Variants in ZNF730 observed in about 807,000 individuals in gnomAD.
The protein encoded by ZNF730 is zinc finger protein 730.
ZNF730 carries 12 observed loss-of-function variants against 12.6 expected under a neutral mutation model. The ratio of observed to expected loss-of-function variants is 0.95; its 90% CI spans 0.61 to 1.54. The LOEUF (loss-of-function observed/expected upper bound fraction) is 1.54, where lower values mean the gene tolerates loss of function less well. Ranked by LOEUF, ZNF730 falls within the 40% of genes most tolerant of loss-of-function variation. The pLI is 0.00. For synonymous variants in ZNF730, 194 were observed against 195.8 expected, an observed-to-expected ratio of 0.99 and a Z score of 0.08; for missense variants, 643 against 583.5, an observed-to-expected ratio of 1.10 and a Z score of -1.05.
rs747131241 is a variant in ZNF730 at position 23,117,161 on chromosome 19, T to C, written c.-13T>C. ...CCACAGCTAAGACGCCAGGGCCCCCTGGAAGCCTAGAAATGGTGAGAGTGC... is the reference window on the plus strand; with the variant it reads ...CCACAGCTAAGACGCCAGGGCCCCCCGGAAGCCTAGAAATGGTGAGAGTGC... On this transcript the variant is annotated 5_prime_UTR_variant, in exon 1 of 4. Coordinates refer to ENST00000597761, the MANE Select transcript of ZNF730 (RefSeq NM_001277403.2). 1 of 1,613,818 alleles carries C rather than the reference T, an allele frequency of 6.2e-7. No individual in the cohort carries two copies. Among genetic ancestry groups the C allele is most frequent in the Non-Finnish European group, 8.5e-7 (1 of 1,179,770 alleles).
At chr19:23,141,879 G>A (rs1012158040) in intron 3 of ZNF730, among the ~76,000 whole-genome samples, 1 of 152,040 alleles carries the variant, frequency 6.6e-6, no homozygotes, top group Admixed American at 6.6e-5. Flanking sequence ...CTGCCTTCAA[G>A]TTGTCTGTTT....
chr19:23,085,496 CTTTTTTTTTTTTTTTTTTTT>C (rs58871710), intron 1 of ZNF730, among the ~76,000 whole-genome samples: 1 of 52,762 alleles, frequency 1.9e-5, no homozygotes, highest in Non-Finnish European at 3.6e-5. Flanking sequence ...CCATGCCCGT[CTTTTTTTTTTTTTTTTTTTT>C]TTTTTTTTTT....
At chr19:23,087,633 T>C (rs1399178140) in intron 1 of ZNF730, among the ~76,000 whole-genome samples, 1 of 151,112 alleles carries the variant, frequency 6.6e-6, no homozygotes, top group African/African-American at 2.4e-5. Context: ...TTTTTTTTTT[T>C]GAGACGGAGT....
intron 3 of ZNF730, among the ~76,000 whole-genome samples, chr19:23,137,445 A>G (rs1478493303): frequency 6.6e-6 from 1 of 152,174 alleles, no homozygotes; most frequent in Admixed American, 6.5e-5. Flanking sequence ...TTGCTAATGT[A>G]TTGAGTATAA....
intron 1 of ZNF730, among the ~76,000 whole-genome samples, chr19:23,126,353 G>A (rs1399973448): frequency 2.0e-5 from 3 of 152,042 alleles, no homozygotes; most frequent in Non-Finnish European, 4.4e-5. Context: ...CACAATAATG[G>A]GCCACTATCT....
At chr19:23,109,407 CT>C (rs1256918262) in intron 1 of ZNF730, among the ~76,000 whole-genome samples, 3 of 149,500 alleles carry the variant, frequency 2.0e-5, no homozygotes, top group East Asian at 2.0e-4. Flanking sequence ...TTTTTTTTTC[CT>C]TTTTTTTCTT....
chr19:23,126,247 A>G (rs1295871485), intron 1 of ZNF730, among the ~76,000 whole-genome samples: 2 of 152,202 alleles, frequency 1.3e-5, no homozygotes, highest in Non-Finnish European at 2.9e-5. Flanking sequence ...GGTAAATAAG[A>G]TTGGCATCCA....
intron 3 of ZNF730, chr19:23,144,036 A>T (rs1970966355): frequency 2.0e-5 from 3 of 149,868 alleles, no homozygotes; most frequent in Admixed American, 6.6e-5. Context: ...TAATTTTTTC[A>T]ATATTTTTGT....
intron 1 of ZNF730, among the ~76,000 whole-genome samples, chr19:23,087,095 T>A (rs1970075874): frequency 1.3e-5 from 2 of 152,146 alleles, no homozygotes; most frequent in South Asian, 4.1e-4. Context: ...AGCTTGACTG[T>A]CATTAATGTA....
intron 1 of ZNF730, chr19:23,128,381 T>C (rs1970697045): frequency 2.1e-6 from 1 of 470,344 alleles, no homozygotes; most frequent in Non-Finnish European, 4.0e-6. Context: ...TTGAAGGAGA[T>C]GCATAAGAAA....
chr19:23,136,101 GAAA>G (rs909589625), intron 3 of ZNF730, 58 bp downstream of exon 3: 1 of 1,246,420 alleles, frequency 8.0e-7, no homozygotes, highest in Non-Finnish European at 1.1e-6. Context: ...TTTAAAAAAA[GAAA>G]AAAAACCAGT....
chr19:23,108,744 T>TTTG (rs1568308050), intron 1 of ZNF730, among the ~76,000 whole-genome samples: 2 of 152,106 alleles, frequency 1.3e-5, no homozygotes, highest in Non-Finnish European at 2.9e-5. Flanking sequence ...TGTCTTTTTT[T>TTTG]TTTGTTTGTT....
At chr19:23,100,667 T>G (rs1262159177) in intron 1 of ZNF730, among the ~76,000 whole-genome samples, 1 of 32,800 alleles carries the variant, frequency 3.0e-5, no homozygotes, top group African/African-American at 9.9e-5. Flanking sequence ...TTTTTTTTTT[T>G]TTTTTTGAGA....
At chr19:23,102,532 G>A (rs1231275623) in intron 1 of ZNF730, among the ~76,000 whole-genome samples, 3 of 149,262 alleles carry the variant, frequency 2.0e-5, no homozygotes, top group Non-Finnish European at 4.4e-5. Flanking sequence ...GAGTTGCTCT[G>A]TCGCCCAGGC....
intron 1 of ZNF730, among the ~76,000 whole-genome samples, chr19:23,078,732 A>G (rs1011355736): frequency 3.3e-5 from 5 of 152,100 alleles, no homozygotes; most frequent in Admixed American, 1.3e-4. Flanking sequence ...GACGAGAAAC[A>G]CCCACAGGTG....
chr19:23,084,987 A>C (rs952080379), intron 1 of ZNF730, among the ~76,000 whole-genome samples: 39 of 152,170 alleles, frequency 2.6e-4, no homozygotes, highest in African/African-American at 9.4e-4. Context: ...CCAGTAATGA[A>C]ATTACTGGTC....
chr19:23,116,882 C>A, upstream of ZNF730: 5 of 592,324 alleles, frequency 8.4e-6, no homozygotes, highest in Non-Finnish European at 1.2e-5. Flanking sequence ...ACTCTTCATT[C>A]AGTCCAGCAT....
At chr19:23,112,907 A>G (rs1970475272), upstream of ZNF730, among the ~76,000 whole-genome samples, 1 of 152,348 alleles carries the variant, frequency 6.6e-6, no homozygotes. Flanking sequence ...ACTTTTCTAA[A>G]TGGGCATCCT....
rs918733900 is a variant in ZNF730, at chr19:23,139,893, T to C, written c.226+3850T>C. ...TTATGAGTAAGCATTTCTGTTATTA[T>C]TGTTTTGCAGTTCCATATCAGTGTG... is the stretch of plus-strand genomic sequence containing the variant. On this transcript the variant is annotated intron_variant, in intron 3 of 3. Coordinates refer to ENST00000597761, the MANE Select transcript of ZNF730 (RefSeq NM_001277403.2). Among the ~76,000 whole-genome samples the C allele has an allele frequency of 5.9e-5, 9 of 152,306 alleles. No homozygotes were observed. In the East Asian group the frequency reaches 1.5e-3, roughly 26 times the overall value.
Sources: gnomAD v4.1 joint callset for allele counts (sites outside exome capture counted in the v4.1 genomes callset) on GRCh38, gnomAD v4.1.1 for gene constraint, MANE v1.5 for transcripts, NCBI Gene and HGNC (gene_info 2026-07-23, HGNC 2026-07-21) for gene names.